The following HNRNPU variants were observed in gnomAD, a reference collection of about 807,000 sequenced individuals.
HNRNPU encodes HNRNPU antisense RNA 1.
HNRNPU carries 5 observed loss-of-function variants against 94.7 expected under a neutral mutation model. The ratio of observed to expected loss-of-function variants is 0.05; its 90% CI spans 0.03 to 0.11. HNRNPU has a LOEUF of 0.11. Among genes scored for constraint, HNRNPU ranks in the 10% least tolerant of loss-of-function variants. The pLI, the probability that HNRNPU is intolerant of heterozygous loss-of-function variation, is 1.00. For missense variants in HNRNPU, 710 were observed against 1,049.2 expected (o/e 0.68, Z 4.47); for synonymous variants, 434 against 381.6 (o/e 1.14, Z -1.60).
At position 244,850,590 on chromosome 1, in the gene HNRNPU, A is replaced by C. The variant is rs991722578; in HGVS notation, c.*3860T>G. On this transcript the variant is annotated 3_prime_UTR_variant, in exon 14 of 14. Coordinates refer to ENST00000640218, the MANE Select transcript of HNRNPU (RefSeq NM_031844.3). ...TGTGGTTTATGTATTAGTAATTCAA[A>C]TTACTGTTTTAGAGATCTCAGGTAG... 1 of 151,646 alleles carries C rather than the reference A, an allele frequency of 6.6e-6. No individual in the cohort carries two copies. The highest frequency in any genetic ancestry group is 1.5e-5 in the Non-Finnish European group (1 of 67,996). 9.4% of individuals were successfully genotyped at this position (151,646 alleles called of 1,614,324 possible). A position where few individuals can be genotyped will look rare whatever the true frequency, so the allele number is the denominator to read the frequency against.
rs748182347 is a variant in HNRNPU, at chr1:244,858,264, C to T, written c.1241G>A (p.Ser414Asn). 1 of 1,613,124 alleles carries T rather than the reference C, an allele frequency of 6.2e-7. No homozygotes were observed. Among genetic ancestry groups the T allele is most frequent in the Non-Finnish European group, 8.5e-7 (1 of 1,179,520 alleles). The stretch of plus-strand genomic sequence containing the variant: ...AGCATACGAGAGTTCTACTTCATCA[C>T]TTTCAAAGTTCTGTTACACAGAAAA... ...DVITCFANFESDEVELSYAKN... is the reference protein window; with the variant it reads ...DVITCFANFENDEVELSYAKN... The change falls in exon 7 of 14, where the codon AGT becomes AAT. Residue 414 changes from serine (S) to asparagine (N), a missense_variant. By Grantham distance (46) the Ser-to-Asn change is conservative. This residue lies in a region of HNRNPU where 150 missense variants were observed against 187.9 expected (regional missense o/e 0.80). Coordinates refer to ENST00000640218, the MANE Select transcript of HNRNPU (RefSeq NM_031844.3).
intron 10 of HNRNPU, 133 bp downstream of exon 10, chr1:244,856,324 T>TG: frequency 8.5e-7 from 1 of 1,177,862 alleles, no homozygotes; most frequent in Admixed American, 2.4e-5. Flanking sequence ...GAAGCAGTAT[T>TG]GCTGGAAAAA....
At position 244,856,923 on chromosome 1, in the gene HNRNPU, C is replaced by A; in HGVS notation, c.1615-67G>T. The A allele has an allele frequency of 2.3e-6, 3 of 1,279,518 alleles. No homozygotes were observed. The South Asian group carries it at 4.1e-5, about 18-fold the overall frequency. 79.3% of individuals were successfully genotyped at this position (1,279,518 alleles called of 1,614,324 possible). Reference sequence around the variant, plus strand: ...TTAATAAGTTATGCTTTTTAAAATTCAACTCATATCTATATGTAAAGCAGG... The same window carrying A: ...TTAATAAGTTATGCTTTTTAAAATTAAACTCATATCTATATGTAAAGCAGG... On this transcript the variant is annotated intron_variant, in intron 8 of 13. Coordinates refer to ENST00000640218, the MANE Select transcript of HNRNPU (RefSeq NM_031844.3).
At position 244,853,565 on chromosome 1, in the gene HNRNPU, TAAC is replaced by T. The variant is rs563414744; in HGVS notation, c.*882_*884del. On this transcript the variant is annotated 3_prime_UTR_variant, in exon 14 of 14. Coordinates refer to ENST00000640218, the MANE Select transcript of HNRNPU (RefSeq NM_031844.3). ...CATTAGCTTACAAAGATGGTGGAGT[TAAC>T]TACTACAAGCACACTAGTTATACAG... 101 of 152,704 alleles carry T rather than the reference TAAC, an allele frequency of 6.6e-4. No individual in the cohort carries two copies. Among genetic ancestry groups the T allele is most frequent in the African/African-American group, 2.1e-3 (89 of 41,574 alleles). The allele number at this position is 152,704 out of a possible 1,614,324, so 9.5% of individuals were successfully genotyped here.
chr1:244,854,175 A>T lies in HNRNPU; in HGVS notation c.*275T>A. The T allele has an allele frequency of 3.2e-6, 1 of 313,614 alleles. No homozygotes were observed. Among genetic ancestry groups the T allele is most frequent in the East Asian group, 6.8e-5 (1 of 14,736 alleles). The allele number at this position is 313,614 out of a possible 1,614,324, so 19.4% of individuals were successfully genotyped here. On this transcript the variant is annotated 3_prime_UTR_variant, in exon 14 of 14. Coordinates refer to ENST00000640218, the MANE Select transcript of HNRNPU (RefSeq NM_031844.3). ...CTTCTGTTGTGATAAAAAAAAAAAAAAGTCACATTTTACAGATAAAATGTA... is the reference window on the plus strand; with the variant it reads ...CTTCTGTTGTGATAAAAAAAAAAAATAGTCACATTTTACAGATAAAATGTA...
Position 244,853,126 on chromosome 1 carries a change from CAGTGTT to C in HNRNPU, c.*1318_*1323del, listed in dbSNP as rs1680590275. 6.6e-6 allele frequency: 1 copy of C among 152,580 alleles called. No individual in the cohort carries two copies. The highest frequency in any genetic ancestry group is 6.5e-5 in the Admixed American group (1 of 15,282). 9.5% of individuals were successfully genotyped at this position (152,580 alleles called of 1,614,324 possible). On this transcript the variant is annotated 3_prime_UTR_variant, in exon 14 of 14. Transcript: ENST00000640218. ...TAGCATTCTGTAAAGATGATAAACT[CAGTGTT>C]AACTTCTCCCAGCCAGTACCTTTTC...
At chr1:244,861,830 G>A (rs1337081821) in intron 3 of HNRNPU, 1 of 151,822 alleles carries the variant, frequency 6.6e-6, no homozygotes, top group Non-Finnish European at 1.5e-5. Flanking sequence ...ACCCAACTGG[G>A]TAAAGTAGCA....
intron 13 of HNRNPU, 158 bp from the exon 14 acceptor site, chr1:244,854,661 TC>T: frequency 1.6e-6 from 1 of 617,884 alleles, no homozygotes; most frequent in East Asian, 2.7e-5. Flanking sequence ...AGTTTTAATA[TC>T]CCATAATTAT....
Position 244,862,633 on chromosome 1 carries a change from C to T in HNRNPU, c.789G>A (p.Glu263=), listed in dbSNP as rs1680868450. ...GCATCCTATACCTGCTATACTTGTT[C>T]TCTTCAATGTACTCAAAATATCCAC... is the stretch of plus-strand genomic sequence containing the variant. The part of the protein sequence containing the change: ...HGRGYFEYIE[E]NKYSRAKSPQ... Residue 263 remains glutamate, a synonymous_variant, in exon 2 of 14, where the codon GAG becomes GAA. Coordinates refer to ENST00000640218, the MANE Select transcript of HNRNPU (RefSeq NM_031844.3). The T allele has an allele frequency of 1.2e-6, 2 of 1,613,236 alleles. No individual in the cohort carries two copies. Among genetic ancestry groups the T allele is most frequent in the South Asian group, 1.1e-5 (1 of 91,050 alleles).
At position 244,853,438 on chromosome 1, in the gene HNRNPU, CCACT is replaced by C. The variant is rs942882231; in HGVS notation, c.*1008_*1011del. ...CAAACGTCTAAATTAATTTCTCCAC[CCACT>C]TTCTTTAGAAAGAAAAAGAAATCAG... On this transcript the variant is annotated 3_prime_UTR_variant, in exon 14 of 14. Transcript: ENST00000640218. 9.8e-5 allele frequency: 15 copies of C among 152,440 alleles called. No homozygotes were observed. The highest frequency in any genetic ancestry group is 2.1e-4 in the Non-Finnish European group (14 of 67,960). The allele number at this position is 152,440 out of a possible 1,614,324, so 9.4% of individuals were successfully genotyped here. A position where few individuals can be genotyped will look rare whatever the true frequency, so the allele number is the denominator to read the frequency against.
chr1:244,858,795 T>G lies in HNRNPU; in HGVS notation c.1164A>C (p.Thr388=). Residue 388 remains threonine (T), a synonymous_variant, in exon 6 of 14, where the codon ACA becomes ACC. Transcript: ENST00000640218. ...CATAATCTTCAGTCTCACAGTTGCATGTTTTTATTCCTTTTAGAGAATACC... is the reference window on the plus strand; with the variant it reads ...CATAATCTTCAGTCTCACAGTTGCAGGTTTTTATTCCTTTTAGAGAATACC... ...SYGYSLKGIK[T]CNCETEDYGE... is the part of the protein sequence containing the mutation. 1 of 1,590,850 alleles carries G rather than the reference T, an allele frequency of 6.3e-7. No individual in the cohort carries two copies. The highest frequency in any genetic ancestry group is 8.6e-7 in the Non-Finnish European group (1 of 1,159,410).
In HNRNPU at chr1:244,863,990, T is replaced by C. The variant is rs1003329200; in HGVS notation, c.318A>G (p.Leu106=). 20 of 1,613,544 alleles carry C rather than the reference T, an allele frequency of 1.2e-5. No individual in the cohort carries two copies. Among genetic ancestry groups the C allele is most frequent in the Non-Finnish European group, 1.6e-5 (19 of 1,179,900 alleles). Residue 106 remains leucine (L), a synonymous_variant, in exon 1 of 14, where the codon CTA becomes CTG. Transcript: ENST00000640218. ...CCCCCGCGGCCCCGTTCTCCTCTCC[T>C]AGCTCCATCTGGTCGCCGTCCAGAG... ...ISALDGDQME[L]GEENGAAGAA... is the part of the protein sequence containing the mutation.
At chr1:244,855,814 A>G in intron 11 of HNRNPU, 90 bp downstream of exon 11, 1 of 1,464,238 alleles carries the variant, frequency 6.8e-7, no homozygotes, top group Non-Finnish European at 9.3e-7. Context: ...TATACCATTA[A>G]TGAGGAAGAA....
intron 5 of HNRNPU, chr1:244,859,069 T>C: frequency 1.7e-6 from 1 of 581,450 alleles, no homozygotes; most frequent in Middle Eastern, 3.2e-4. Flanking sequence ...TAAGATTTTA[T>C]TTCAACCATT....
In HNRNPU at chr1:244,858,847, A is replaced by G. The variant is rs145037892; in HGVS notation, c.1118-6T>C. The G allele has an allele frequency of 4.8e-6, 6 of 1,257,924 alleles. No homozygotes were observed. The Admixed American group carries it at 5.2e-5, about 11-fold the overall frequency. 77.9% of individuals were successfully genotyped at this position (1,257,924 alleles called of 1,614,324 possible). A position where few individuals can be genotyped will look rare whatever the true frequency, so the allele number is the denominator to read the frequency against. ...ATAAGAAAATTCTTCTTCACCTAAG[A>G]AAATAATTAATCTTCATGAAGTAGA... On this transcript the variant is annotated splice_region_variant and splice_polypyrimidine_tract_variant and intron_variant, in intron 5 of 13. Transcript: ENST00000640218.
rs1680588796 is a variant in HNRNPU, at chr1:244,853,062, C to T, written c.*1388G>A. 6.6e-6 allele frequency: 1 copy of T among 152,478 alleles called. No homozygotes were observed. The highest frequency in any genetic ancestry group is 6.6e-5 in the Admixed American group (1 of 15,246). The allele number at this position is 152,478 out of a possible 1,614,324, so 9.4% of individuals were successfully genotyped here. A position where few individuals can be genotyped will look rare whatever the true frequency, so the allele number is the denominator to read the frequency against. ...CATCTGATCCCAGAGTTTCATGTAT[C>T]ATATATATGTATATAAAATAATCAG... On this transcript the variant is annotated 3_prime_UTR_variant, in exon 14 of 14. Coordinates refer to ENST00000640218, the MANE Select transcript of HNRNPU (RefSeq NM_031844.3).
In HNRNPU at chr1:244,864,452, C is replaced by G. The variant is rs909332533; in HGVS notation, c.-145G>C. On this transcript the variant is annotated 5_prime_UTR_variant, in exon 1 of 14. Transcript: ENST00000640218. ...GATGGGTTCGTGCTGCAGAGCGGAT[C>G]CGCCTGGTGTCGAACGGCGCCAATT... The G allele has an allele frequency of 5.7e-6, 8 of 1,398,996 alleles. No homozygotes were observed. Among genetic ancestry groups the G allele is most frequent in the Admixed American group, 2.7e-5 (1 of 36,616 alleles). The allele number at this position is 1,398,996 out of a possible 1,614,324, so 86.7% of individuals were successfully genotyped here.
At chr1:244,863,241 A>G (rs1489824554) in intron 1 of HNRNPU, 2 of 162,848 alleles carry the variant, frequency 1.2e-5, no homozygotes, top group Admixed American at 6.5e-5. Flanking sequence ...CCTCCCCCCG[A>G]GACATGTGCC....
rs1355446805 is a variant in HNRNPU at position 244,852,607 on chromosome 1, A to G, written c.*1843T>C. The G allele has an allele frequency of 6.6e-6, 1 of 152,188 alleles. No individual in the cohort carries two copies. Among genetic ancestry groups the G allele is most frequent in the African/African-American group, 2.4e-5 (1 of 41,442 alleles). The allele number at this position is 152,188 out of a possible 1,614,324, so 9.4% of individuals were successfully genotyped here. On this transcript the variant is annotated 3_prime_UTR_variant, in exon 14 of 14. Coordinates refer to ENST00000640218, the MANE Select transcript of HNRNPU (RefSeq NM_031844.3). ...GCTAAAAAAGATAAAAATCCATGAC[A>G]CTATCTTCAACTGTTAAATATCTTA...
Sources: gnomAD v4.1 joint callset for allele counts on GRCh38, gnomAD v4.1.1 for gene constraint, gnomAD v4.1.1 regional missense constraint, MANE v1.5 for transcripts, NCBI Gene and HGNC (gene_info 2026-07-23, HGNC 2026-07-21) for gene names.